Variants in SYN3 observed in about 807,000 individuals in gnomAD.
SYN3 encodes the protein synapsin-3.
SYN3 carries 35 observed loss-of-function variants against 65.8 expected under a neutral mutation model. The ratio of observed to expected loss-of-function variants is 0.53; its 90% CI spans 0.41 to 0.70. The LOEUF (loss-of-function observed/expected upper bound fraction) is 0.70. Ranked by LOEUF, SYN3 falls within the 30% of genes least tolerant of loss-of-function variation. The pLI is 0.00. For missense variants in SYN3, 680 were observed against 749.0 expected (o/e 0.91, Z 1.08); for synonymous variants, 270 against 292.9 (o/e 0.92, Z 0.80).
intron 6 of SYN3, among the ~76,000 whole-genome samples, chr22:32,671,680 C>G: frequency 6.6e-6 from 1 of 150,468 alleles, no homozygotes; most frequent in Non-Finnish European, 1.5e-5. Flanking sequence ...CGCTCTCACA[C>G]AGGTACACAC....
At chr22:32,913,748 C>T (rs1260076880) in intron 4 of SYN3, among the ~76,000 whole-genome samples, 1 of 152,126 alleles carries the variant, frequency 6.6e-6, no homozygotes, top group Non-Finnish European at 1.5e-5. Context: ...AATGACAATG[C>T]GAAGAGCCGC....
intron 4 of SYN3, among the ~76,000 whole-genome samples, chr22:32,910,471 T>C (rs1601675540): frequency 6.6e-6 from 1 of 152,124 alleles, no homozygotes; most frequent in Non-Finnish European, 1.5e-5. Flanking sequence ...TGGATCCTGG[T>C]AGCCTGCTGA....
chr22:32,660,398 G>A (rs1382019838), intron 6 of SYN3, among the ~76,000 whole-genome samples: 1 of 152,150 alleles, frequency 6.6e-6, no homozygotes, highest in Non-Finnish European at 1.5e-5. Flanking sequence ...GTTGCGAAAT[G>A]GACACGGCTC....
chr22:32,673,951 T>C (rs1444625515), intron 6 of SYN3, among the ~76,000 whole-genome samples: 1 of 152,086 alleles, frequency 6.6e-6, no homozygotes, highest in East Asian at 1.9e-4. Context: ...CGATTGCATA[T>C]GAGCTACTCT....
chr22:32,616,694 G>C (rs2059525343), intron 6 of SYN3, among the ~76,000 whole-genome samples: 1 of 152,168 alleles, frequency 6.6e-6, no homozygotes, highest in Non-Finnish European at 1.5e-5. Context: ...AGGCTGGTGG[G>C]GGCAGCAGAT....
chr22:32,715,595 A>G (rs2061026385), intron 6 of SYN3, among the ~76,000 whole-genome samples: 1 of 152,098 alleles, frequency 6.6e-6, no homozygotes, highest in African/African-American at 2.4e-5. Context: ...CCTGGCCAAG[A>G]TGGTGAAACC....
At chr22:32,586,112 A>G (rs1280807300) in intron 7 of SYN3, among the ~76,000 whole-genome samples, 2 of 148,492 alleles carry the variant, frequency 1.3e-5, no homozygotes, top group African/African-American at 4.9e-5. Flanking sequence ...ATACATGTAT[A>G]TGTATATATG....
intron 12 of SYN3, among the ~76,000 whole-genome samples, chr22:32,526,584 C>T (rs956637886): frequency 1.3e-5 from 2 of 152,004 alleles, no homozygotes; most frequent in Non-Finnish European, 2.9e-5. Context: ...GGCGCAATCT[C>T]GGCTCACTGC....
chr22:33,002,409 C>A (rs546794626), intron 2 of SYN3, among the ~76,000 whole-genome samples: 10 of 152,152 alleles, frequency 6.6e-5, no homozygotes, highest in African/African-American at 2.4e-4. Context: ...TTTGGGAGGC[C>A]GAGGTGGGCA....
intron 2 of SYN3, among the ~76,000 whole-genome samples, chr22:32,990,946 G>C (rs1007540960): frequency 6.6e-6 from 1 of 152,142 alleles, no homozygotes; most frequent in African/African-American, 2.4e-5. Flanking sequence ...AGCACTTTGG[G>C]AGACCAAGGT....
Position 32,801,123 on chromosome 22 carries a change from G to T in SYN3, c.711+63792C>A, listed in dbSNP as rs886820915. On this transcript the variant is annotated intron_variant, in intron 6 of 13. Coordinates refer to ENST00000358763, the MANE Select transcript of SYN3 (RefSeq NM_003490.4). This position sits in a 1 kb window ranked among gnomAD's most constrained non-coding sequence, Gnocchi z 4.7. ...AAACAGTCTTCTATCATATATCATA[G>T]CCAGCTGCAAACAGCAGATGGCTTC... Among the ~76,000 whole-genome samples, 2 of 152,224 alleles carry T rather than the reference G, an allele frequency of 1.3e-5. No individual in the cohort carries two copies. Among genetic ancestry groups the T allele is most frequent in the African/African-American group, 4.8e-5 (2 of 41,460 alleles).
chr22:32,796,881 G>A (rs534480300), intron 6 of SYN3, among the ~76,000 whole-genome samples: 1 of 152,092 alleles, frequency 6.6e-6, no homozygotes, highest in Non-Finnish European at 1.5e-5. Flanking sequence ...CCGCCCTAAG[G>A]CCCCCAAACC....
intron 4 of SYN3, among the ~76,000 whole-genome samples, chr22:32,905,802 TC>T (rs978154660): frequency 3.9e-5 from 6 of 152,196 alleles, no homozygotes; most frequent in Middle Eastern, 3.4e-3. Flanking sequence ...TGCACTAACT[TC>T]CCCGGGTCTT....
chr22:32,823,353 G>T (rs1339973149), intron 6 of SYN3, among the ~76,000 whole-genome samples: 1 of 152,182 alleles, frequency 6.6e-6, no homozygotes, highest in East Asian at 1.9e-4. Context: ...CGCAAGGGAT[G>T]TTTCTGTTGG....
intron 8 of SYN3, among the ~76,000 whole-genome samples, chr22:32,541,058 A>T (rs2058245904): frequency 6.6e-6 from 1 of 152,180 alleles, no homozygotes; most frequent in South Asian, 2.1e-4. Context: ...TCCCTTTAAA[A>T]ACCCATTAAG....
intron 6 of SYN3, among the ~76,000 whole-genome samples, chr22:32,706,644 A>C (rs949226047): frequency 7.9e-5 from 12 of 152,236 alleles, no homozygotes; most frequent in African/African-American, 2.9e-4. Context: ...GCTGAGGGGC[A>C]GATGGGGGAC....
At chr22:32,788,437 A>G (rs1255870496) in intron 6 of SYN3, among the ~76,000 whole-genome samples, 1 of 152,108 alleles carries the variant, frequency 6.6e-6, no homozygotes, top group Non-Finnish European at 1.5e-5. Flanking sequence ...GCTACTCAGG[A>G]GGCTGAGGCA....
intron 6 of SYN3, among the ~76,000 whole-genome samples, chr22:32,701,171 T>A (rs183479882): frequency 1.3e-5 from 2 of 152,348 alleles, no homozygotes; most frequent in African/African-American, 4.8e-5. Flanking sequence ...GACTGATTTT[T>A]AAAGAAACAC....
At chr22:32,951,422 C>T (rs1318424222) in intron 3 of SYN3, among the ~76,000 whole-genome samples, 1 of 152,206 alleles carries the variant, frequency 6.6e-6, no homozygotes, top group Admixed American at 6.5e-5. Flanking sequence ...AAGCACTCAT[C>T]CCTACGTGAC....
Sources: gnomAD v4.1 joint callset for allele counts (sites outside exome capture counted in the v4.1 genomes callset) on GRCh38, gnomAD v4.1.1 for gene constraint, Gnocchi (gnomAD v3.1) non-coding constraint, MANE v1.5 for transcripts, NCBI Gene and HGNC (gene_info 2026-07-23, HGNC 2026-07-21) for gene names.